Variants in C5 observed in about 807,000 individuals in gnomAD.
The protein encoded by C5 is C3 and PZP-like alpha-2-macroglobulin domain-containing protein 4.
Under a neutral mutation model 218.8 loss-of-function variants are expected in C5, and 140 were observed. That is an observed-to-expected ratio of 0.64 (90% CI 0.56 to 0.74). C5 has a LOEUF of 0.74. Among genes scored for constraint, C5 ranks in the 30% least tolerant of loss-of-function variants. The pLI is 0.00. For missense variants in C5, 1,700 were observed against 1,969.6 expected, an observed-to-expected ratio of 0.86 and a Z score of 2.59; for synonymous variants, 614 against 682.3, an observed-to-expected ratio of 0.90 and a Z score of 1.56.
In C5 at chr9:121,017,724, G is replaced by A. The variant is rs1187883385; in HGVS notation, c.1635C>T (p.Ile545=). 1 of 1,612,674 alleles carries A rather than the reference G, an allele frequency of 6.2e-7. No homozygotes were observed. Among genetic ancestry groups the A allele is most frequent in the Non-Finnish European group, 8.5e-7 (1 of 1,178,788 alleles). ...VPSSRLLVYY[I]VTGEQTAELV... is the part of the protein sequence containing the mutation. ...ATTCTGCTGTCTGTTCTCCTGTGAC[G>A]ATGTAATAGACCAGAAGTCGGGATG... The change falls in exon 13 of 41, where the codon ATC becomes ATT. Residue 545 remains isoleucine, a synonymous_variant. Coordinates refer to ENST00000223642, the MANE Select transcript of C5 (RefSeq NM_001735.3).
At chr9:121,054,593 G>A (rs867239537), upstream of C5, among the ~76,000 whole-genome samples, 26 of 152,204 alleles carry the variant, frequency 1.7e-4, no homozygotes, top group African/African-American at 6.3e-4. Context: ...AGAGCAAAAC[G>A]CTGCCTCAAA....
chr9:120,976,924 C>T lies in C5; in HGVS notation c.3659-19G>A, dbSNP rs1237639143. On this transcript the variant is annotated intron_variant, in intron 28 of 40. Coordinates refer to ENST00000223642, the MANE Select transcript of C5 (RefSeq NM_001735.3). ...GGATTACCTGAACATCAACAAATTCCATTCATTAATATGATTAAAAATGTG... is the reference window on the plus strand; with the variant it reads ...GGATTACCTGAACATCAACAAATTCTATTCATTAATATGATTAAAAATGTG... 1.9e-6 allele frequency: 3 copies of T among 1,585,674 alleles called. No individual in the cohort carries two copies. In the African/African-American group the frequency reaches 4.0e-5, roughly 21 times the overall value.
chr9:120,969,334 G>A (rs2046893259), intron 32 of C5, among the ~76,000 whole-genome samples: 2 of 127,646 alleles, frequency 1.6e-5, no homozygotes, highest in African/African-American at 6.8e-5. Context: ...ACAGTTCATT[G>A]CTCTCAAATA....
chr9:121,018,659 G>GAAAAGAAAGAAAGAAAA (rs1224588845), intron 12 of C5, among the ~76,000 whole-genome samples: 1 of 108,522 alleles, frequency 9.2e-6, no homozygotes, highest in South Asian at 4.0e-4. Flanking sequence ...AAGAAAGAAA[G>GAAAAGAAAGAAAGAAAA]AAGGAAGGAA....
intron 19 of C5, 81 bp downstream of exon 19, chr9:121,006,823 A>C: frequency 2.0e-6 from 2 of 1,024,736 alleles, no homozygotes; most frequent in Non-Finnish European, 3.1e-6. Flanking sequence ...GTCCTGGGTA[A>C]ACTAAATAGA....
At chr9:121,005,830 A>C (rs2047211206) in intron 20 of C5, 89 bp downstream of exon 20, 4 of 1,348,850 alleles carry the variant, frequency 3.0e-6, no homozygotes, top group East Asian at 4.6e-5. Flanking sequence ...TTGAACTTCT[A>C]CTTTTTTGTG....
chr9:120,985,654 A>G (rs1486973194), intron 25 of C5, among the ~76,000 whole-genome samples: 1 of 152,238 alleles, frequency 6.6e-6, no homozygotes, highest in East Asian at 1.9e-4. Flanking sequence ...CTATACTACT[A>G]GATCTAAAGT....
Position 121,021,502 on chromosome 9 carries a change from A to G in C5, c.1302+7T>C. 1.2e-6 allele frequency: 2 copies of G among 1,609,012 alleles called. No individual in the cohort carries two copies. Among genetic ancestry groups the G allele is most frequent in the Non-Finnish European group, 1.7e-6 (2 of 1,175,392 alleles). On this transcript the variant is annotated splice_region_variant and intron_variant, in intron 11 of 40. Coordinates refer to ENST00000223642, the MANE Select transcript of C5 (RefSeq NM_001735.3). ...CCTAGAAAATACAACAGGAGAATTC[A>G]GCTCACATTAAACTCCAGCACCGTC...
the C5 span, among the ~76,000 whole-genome samples, chr9:121,062,002 C>T: frequency 6.6e-6 from 1 of 152,218 alleles, no homozygotes; most frequent in South Asian, 2.1e-4. Context: ...TTCCCTAATA[C>T]AAGGAAATAC....
the C5 span, among the ~76,000 whole-genome samples, chr9:121,060,481 CT>C: frequency 2.6e-5 from 4 of 152,278 alleles, no homozygotes; most frequent in African/African-American, 9.6e-5. Context: ...TATGATTACT[CT>C]TTCTAGGATT....
At chr9:121,026,080 C>A (rs945331952) in intron 8 of C5, among the ~76,000 whole-genome samples, 1 of 152,034 alleles carries the variant, frequency 6.6e-6, no homozygotes, top group South Asian at 2.1e-4. Flanking sequence ...TAAAATTGAG[C>A]GACTTGAGGG....
At chr9:121,018,815 A>T (rs1013252422) in intron 12 of C5, among the ~76,000 whole-genome samples, 1 of 150,986 alleles carries the variant, frequency 6.6e-6, no homozygotes, top group Non-Finnish European at 1.5e-5. Flanking sequence ...GAGTGAGTTA[A>T]CGTTTATGGG....
At chr9:120,971,719 G>C (rs1451594477) in intron 31 of C5, among the ~76,000 whole-genome samples, 1 of 152,222 alleles carries the variant, frequency 6.6e-6, no homozygotes, top group Admixed American at 6.5e-5. Flanking sequence ...TTAAAGGCGT[G>C]AGCCACCATG....
At chr9:121,062,062 GTTTTTCTT>G in the C5 span, among the ~76,000 whole-genome samples, 28 of 118,738 alleles carry the variant, frequency 2.4e-4, no homozygotes, top group African/African-American at 5.0e-4. Flanking sequence ...TGTTGTTGTT[GTTTTTCTT>G]TTTTTCTTTT....
chr9:121,025,174 T>C (rs917377653), intron 9 of C5, among the ~76,000 whole-genome samples: 1 of 152,218 alleles, frequency 6.6e-6, no homozygotes, highest in Non-Finnish European at 1.5e-5. Context: ...CCTGCAGAAC[T>C]ACTTTGGACA....
chr9:120,964,876 CT>C lies in C5; in HGVS notation c.4221-1139del, dbSNP rs369362933. 1.7e-4 allele frequency among the ~76,000 whole-genome samples: 26 copies of C among 152,186 alleles called. No individual in the cohort carries two copies. In the South Asian group the frequency reaches 2.5e-3, roughly 15 times the overall value. On this transcript the variant is annotated intron_variant, in intron 33 of 40. Transcript: ENST00000223642. ...TAAATTTATCTTTATAATTCCCAGGCTTTGGTTTTGGGTGGCAGAGGCTTAG... is the reference window on the plus strand; with the variant it reads ...TAAATTTATCTTTATAATTCCCAGGCTTGGTTTTGGGTGGCAGAGGCTTAG...
Position 121,008,475 on chromosome 9 carries a change from T to C in C5, c.2281A>G (p.Ser761Gly). 6.2e-7 allele frequency: 1 copy of C among 1,613,654 alleles called. No homozygotes were observed. The highest frequency in any genetic ancestry group is 8.5e-7 in the Non-Finnish European group (1 of 1,179,626). The change falls in exon 18 of 41, where the codon AGC becomes GGC. Residue 761 changes from serine to glycine, a missense_variant. Ser to Gly is a moderately conservative substitution (Grantham distance 56). Coordinates refer to ENST00000223642, the MANE Select transcript of C5 (RefSeq NM_001735.3). ...RLHMKTLLPV[S>G]KPEIRSYFPE... The stretch of plus-strand genomic sequence containing the variant: ...AAATAACTCCGAATTTCTGGCTTGC[T>C]TACTGGTAACAGGGTCTTCATGTCT...
At chr9:120,975,479 T>C (rs917332638) in intron 29 of C5, among the ~76,000 whole-genome samples, 4 of 152,228 alleles carry the variant, frequency 2.6e-5, no homozygotes, top group Admixed American at 6.5e-5. Context: ...CCAAAGTTCA[T>C]GTGTTGGAAA....
chr9:120,975,696 C>G (rs2046948132), intron 29 of C5, among the ~76,000 whole-genome samples: 1 of 152,172 alleles, frequency 6.6e-6, no homozygotes, highest in Admixed American at 6.5e-5. Context: ...AACAAGAATG[C>G]CTTCACCAGG....
Sources: gnomAD v4.1 joint callset for allele counts (sites outside exome capture counted in the v4.1 genomes callset) on GRCh38, gnomAD v4.1.1 for gene constraint, MANE v1.5 for transcripts, NCBI Gene and HGNC (gene_info 2026-07-23, HGNC 2026-07-21) for gene names.